Variants in DIPK1A observed in about 807,000 individuals in gnomAD.
DIPK1A encodes family with sequence similarity 69 member A.
DIPK1A carries 27 observed loss-of-function variants against 40.8 expected under a neutral mutation model. The observed-to-expected ratio is 0.66, with a 90% CI of 0.49 to 0.91. DIPK1A has a LOEUF of 0.91. DIPK1A is among the 40% of genes least tolerant of loss of function. DIPK1A has a pLI of 0.00. For missense variants in DIPK1A, 412 were observed against 505.7 expected, an observed-to-expected ratio of 0.81 and a Z score of 1.78; for synonymous variants, 166 against 171.3, an observed-to-expected ratio of 0.97 and a Z score of 0.24.
intron 2 of DIPK1A, among the ~76,000 whole-genome samples, chr1:92,874,279 A>T (rs1057465775): frequency 6.6e-6 from 1 of 152,222 alleles, no homozygotes; most frequent in Admixed American, 6.5e-5. Flanking sequence ...ATGATACAAG[A>T]TATTTAAAAG....
intron 1 of DIPK1A, among the ~76,000 whole-genome samples, chr1:92,960,968 G>A (rs1571160998): frequency 1.3e-5 from 2 of 152,300 alleles, no homozygotes; most frequent in Middle Eastern, 3.4e-3. Context: ...ACCTGCGGGG[G>A]CCCACGGGGG....
chr1:92,864,822 C>T (rs1419999782), intron 2 of DIPK1A, among the ~76,000 whole-genome samples: 2 of 151,970 alleles, frequency 1.3e-5, no homozygotes, highest in African/African-American at 4.8e-5. Context: ...GGCAGATTAC[C>T]TGAGATCAGG....
intron 1 of DIPK1A, among the ~76,000 whole-genome samples, chr1:92,894,416 T>G (rs1489866584): frequency 1.3e-5 from 2 of 151,964 alleles, no homozygotes; most frequent in Non-Finnish European, 2.9e-5. Flanking sequence ...GGGTACATAA[T>G]GAAATGAAGG....
chr1:92,927,135 C>T lies in DIPK1A; in HGVS notation c.54+34241G>A, dbSNP rs574389295. On this transcript the variant is annotated intron_variant, in intron 1 of 4. Coordinates refer to ENST00000370310, the MANE Select transcript of DIPK1A (RefSeq NM_001006605.5). The stretch of plus-strand genomic sequence containing the variant: ...TAAAAACAGCTTTATTGAAATATAA[C>T]TCATATACCATACAATTCACCCATT... 2.8e-4 allele frequency among the ~76,000 whole-genome samples: 42 copies of T among 152,138 alleles called. No individual in the cohort carries two copies. The South Asian group carries it at 4.6e-3, about 17-fold the overall frequency.
intron 1 of DIPK1A, among the ~76,000 whole-genome samples, chr1:92,939,959 A>AG (rs1367006221): frequency 6.6e-6 from 1 of 151,130 alleles, no homozygotes; most frequent in East Asian, 1.9e-4. Flanking sequence ...CTCAAAAAAA[A>AG]AACAACTATA....
chr1:92,866,740 G>A (rs1390278545), intron 2 of DIPK1A, among the ~76,000 whole-genome samples: 1 of 152,152 alleles, frequency 6.6e-6, no homozygotes, highest in African/African-American at 2.4e-5. Flanking sequence ...CCTTAAGAGC[G>A]CCACTGAGGA....
intron 1 of DIPK1A, among the ~76,000 whole-genome samples, chr1:92,941,589 A>G (rs963170203): frequency 6.6e-6 from 1 of 152,156 alleles, no homozygotes; most frequent in African/African-American, 2.4e-5. Flanking sequence ...GTGTCCTGGT[A>G]GTTTTTACAT....
chr1:92,957,493 T>C (rs1001626131), intron 1 of DIPK1A, among the ~76,000 whole-genome samples: 1 of 152,232 alleles, frequency 6.6e-6, no homozygotes, highest in Non-Finnish European at 1.5e-5. Context: ...CAAGATGCCT[T>C]GCCATGAGAA....
intron 1 of DIPK1A, 169 bp from the exon 2 acceptor site, chr1:92,876,599 CT>C: frequency 1.6e-6 from 1 of 632,274 alleles, no homozygotes; most frequent in Non-Finnish European, 2.6e-6. Context: ...CAGCACTGGT[CT>C]TAGAAAAGGA....
At chr1:92,840,866 T>C, downstream of DIPK1A, 1 of 640,910 alleles carries the variant, frequency 1.6e-6, no homozygotes, top group Non-Finnish European at 2.9e-6. Flanking sequence ...TACTGGTTAC[T>C]GCATTTTTTT....
At chr1:92,846,630 TTTTTC>T in intron 4 of DIPK1A, 1 of 388,544 alleles carries the variant, frequency 2.6e-6, no homozygotes, top group South Asian at 1.7e-5. Context: ...ATTTCTTTTC[TTTTTC>T]TTTTTTTTTT....
intron 2 of DIPK1A, among the ~76,000 whole-genome samples, chr1:92,853,462 AT>A (rs1356369895): frequency 6.6e-6 from 1 of 152,192 alleles, no homozygotes; most frequent in Non-Finnish European, 1.5e-5. Context: ...TTGGCCCCAG[AT>A]TTCTCCATAG....
chr1:92,931,166 G>A (rs1348814200), intron 1 of DIPK1A: 2 of 151,908 alleles, frequency 1.3e-5, no homozygotes, highest in Non-Finnish European at 2.9e-5. Flanking sequence ...TGAACAGAAA[G>A]TACAAAGTTC....
intron 1 of DIPK1A, among the ~76,000 whole-genome samples, chr1:92,881,241 A>C (rs1648361274): frequency 6.6e-6 from 1 of 150,606 alleles, no homozygotes; most frequent in Admixed American, 6.6e-5. Flanking sequence ...TCTTTCATAA[A>C]CATGTAAAGC....
At chr1:92,955,048 G>A (rs550830681) in intron 1 of DIPK1A, among the ~76,000 whole-genome samples, 6 of 152,316 alleles carry the variant, frequency 3.9e-5, no homozygotes, top group South Asian at 2.1e-4. Context: ...TAGAGGAGAC[G>A]TAAATGCATA....
intron 1 of DIPK1A, among the ~76,000 whole-genome samples, chr1:92,919,651 C>A (rs759656946): frequency 1.3e-5 from 2 of 152,160 alleles, no homozygotes; most frequent in Non-Finnish European, 2.9e-5. Flanking sequence ...AACCTCCTTA[C>A]GTTTATTTAC....
rs191560910 is a variant in DIPK1A, at chr1:92,874,913, T to C, written c.189+1383A>G. Among the ~76,000 whole-genome samples the C allele has an allele frequency of 1.8e-4, 27 of 152,272 alleles. No homozygotes were observed. In the East Asian group the frequency reaches 3.5e-3, roughly 20 times the overall value. ...ATGAACATGTAAAGTACCCAGTACATTGGCCCCAGAGATACCTCCTATCTT... is the reference window on the plus strand; with the variant it reads ...ATGAACATGTAAAGTACCCAGTACACTGGCCCCAGAGATACCTCCTATCTT... On this transcript the variant is annotated intron_variant, in intron 2 of 4. Transcript: ENST00000370310.
chr1:92,840,639 G>C (rs1687318607), downstream of DIPK1A: 1 of 1,605,306 alleles, frequency 6.2e-7, no homozygotes, highest in Admixed American at 1.7e-5. Flanking sequence ...AAAAAGAAGA[G>C]GTATGTCGTC....
At chr1:92,863,233 A>G (rs1647360795) in intron 2 of DIPK1A, among the ~76,000 whole-genome samples, 1 of 152,202 alleles carries the variant, frequency 6.6e-6, no homozygotes, top group African/African-American at 2.4e-5. Flanking sequence ...CAGTGCAGTA[A>G]GCAGACAATA....
Sources: allele counts gnomAD v4.1 joint callset (sites outside exome capture counted in the v4.1 genomes callset), GRCh38; gene constraint gnomAD v4.1.1; transcripts MANE v1.5; gene names NCBI Gene and HGNC (gene_info 2026-07-23, HGNC 2026-07-21).